Variants in HSD17B11 observed in about 807,000 individuals in gnomAD.
HSD17B11 encodes the protein estradiol 17-beta-dehydrogenase 11.
HSD17B11 carries 22 observed loss-of-function variants against 27.8 expected under a neutral mutation model. The observed-to-expected ratio is 0.79, with a 90% CI of 0.56 to 1.13. The LOEUF (loss-of-function observed/expected upper bound fraction) is 1.13, where lower values mean the gene tolerates loss of function less well. Ranked by LOEUF, HSD17B11 falls within the 50% of genes most tolerant of loss-of-function variation. HSD17B11 has a pLI of 0.00. For synonymous variants in HSD17B11, 117 were observed against 132.8 expected, an observed-to-expected ratio of 0.88 and a Z score of 0.82; for missense variants, 314 against 351.1, an observed-to-expected ratio of 0.89 and a Z score of 0.84.
Position 87,378,926 on chromosome 4 carries a change from A to T in HSD17B11, c.318+3329T>A, listed in dbSNP as rs1305758082. Among the ~76,000 whole-genome samples the T allele has an allele frequency of 1.0e-3, 13 of 12,582 alleles. 1 individual carries two copies. Among genetic ancestry groups the T allele is most frequent in the African/African-American group, 1.7e-3 (3 of 1,744 alleles). 8.3% of individuals were successfully genotyped at this position (12,582 alleles called of 152,430 possible). A position where few individuals can be genotyped will look rare whatever the true frequency, so the allele number is the denominator to read the frequency against. On this transcript the variant is annotated intron_variant, in intron 2 of 6. Transcript: ENST00000358290. ...TATAAATATATATATATAAATATAT[A>T]TAAATATATATATATATATATTTAT... is the stretch of plus-strand genomic sequence containing the variant.
At chr4:87,339,955 CAA>C (rs1263954402) in intron 6 of HSD17B11, among the ~76,000 whole-genome samples, 2 of 152,112 alleles carry the variant, frequency 1.3e-5, no homozygotes, top group African/African-American at 4.8e-5. Flanking sequence ...AATTCTGACT[CAA>C]GAGATCAGGA....
chr4:87,377,469 C>T (rs1294561135), intron 2 of HSD17B11, among the ~76,000 whole-genome samples: 3 of 151,616 alleles, frequency 2.0e-5, no homozygotes, highest in Non-Finnish European at 4.4e-5. Flanking sequence ...AAAGACTATA[C>T]TCAAAAGGGG....
intron 1 of HSD17B11, among the ~76,000 whole-genome samples, chr4:87,390,442 C>T (rs563655083): frequency 8.1e-4 from 123 of 152,346 alleles, no homozygotes; most frequent in Non-Finnish European, 1.4e-3. Context: ...AGGCGTGAGC[C>T]AACGGCGAGT....
intron 4 of HSD17B11, among the ~76,000 whole-genome samples, chr4:87,366,929 AT>A (rs35482923): frequency 0.12 from 17,865 of 152,098 alleles, 1,383 homozygotes; most frequent in Admixed American, 0.18. Context: ...AACTGAAGTA[AT>A]TTTTTTTAAC....
At chr4:87,388,960 C>A (rs955911202) in intron 1 of HSD17B11, among the ~76,000 whole-genome samples, 1 of 152,190 alleles carries the variant, frequency 6.6e-6, no homozygotes, top group African/African-American at 2.4e-5. Context: ...TTACCTTATA[C>A]CACACTGTGC....
chr4:87,338,392 T>C (rs1417714948), intron 6 of HSD17B11, among the ~76,000 whole-genome samples: 2 of 152,160 alleles, frequency 1.3e-5, no homozygotes. Flanking sequence ...TCTGCCTAGA[T>C]GGCATGAAAA....
At chr4:87,341,602 C>T (rs983817184) in intron 5 of HSD17B11, among the ~76,000 whole-genome samples, 4 of 152,102 alleles carry the variant, frequency 2.6e-5, no homozygotes, top group Non-Finnish European at 4.4e-5. Flanking sequence ...CCTGTATCCC[C>T]GTAATCCCAG....
chr4:87,354,925 G>T (rs1179502409), intron 5 of HSD17B11, among the ~76,000 whole-genome samples: 1 of 140,736 alleles, frequency 7.1e-6, no homozygotes, highest in Non-Finnish European at 1.5e-5. Context: ...GACCAGCCTG[G>T]GCAAACAGCA....
chr4:87,357,948 A>ATTTTTTTTTTTTTTTTTTTTT (rs748955521), intron 4 of HSD17B11, among the ~76,000 whole-genome samples: 9 of 97,312 alleles, frequency 9.2e-5, no homozygotes, highest in South Asian at 3.1e-4. Context: ...TCATTAGAGA[A>ATTTTTTTTTTTTTTTTTTTTT]ATTTTTTTTT....
At chr4:87,361,635 C>T (rs929878004) in intron 4 of HSD17B11, among the ~76,000 whole-genome samples, 11 of 152,014 alleles carry the variant, frequency 7.2e-5, no homozygotes, top group Non-Finnish European at 1.6e-4. Flanking sequence ...GGCATGGTGG[C>T]GGGCACCTGT....
At chr4:87,370,040 T>C (rs1735679104) in intron 4 of HSD17B11, among the ~76,000 whole-genome samples, 1 of 152,210 alleles carries the variant, frequency 6.6e-6, no homozygotes, top group African/African-American at 2.4e-5. Flanking sequence ...TGAAAAGAAA[T>C]TAAAATTTTT....
chr4:87,367,395 A>G (rs1735630709), intron 4 of HSD17B11, among the ~76,000 whole-genome samples: 1 of 152,212 alleles, frequency 6.6e-6, no homozygotes, highest in African/African-American at 2.4e-5. Context: ...TCAAAAGAAA[A>G]GTGTTTTACC....
Position 87,378,841 on chromosome 4 carries a change from TATAA to T in HSD17B11, c.318+3410_318+3413del, listed in dbSNP as rs1437084836. Among the ~76,000 whole-genome samples, 15 of 31,694 alleles carry T rather than the reference TATAA, an allele frequency of 4.7e-4. 1 individual carries two copies. Among genetic ancestry groups the T allele is most frequent in the Middle Eastern group, 9.8e-3 (1 of 102 alleles). 20.8% of individuals were successfully genotyped at this position (31,694 alleles called of 152,430 possible). A position where few individuals can be genotyped will look rare whatever the true frequency, so the allele number is the denominator to read the frequency against. ...TAAAATATATATATAAATATATATATATAAATATATATATAAATATATATAAATA... is the reference window on the plus strand; with the variant it reads ...TAAAATATATATATAAATATATATATATATATATATAAATATATATAAATA... On this transcript the variant is annotated intron_variant, in intron 2 of 6. Transcript: ENST00000358290.
intron 6 of HSD17B11, 46 bp downstream of exon 6, chr4:87,340,444 T>C: frequency 8.1e-7 from 1 of 1,227,360 alleles, no homozygotes; most frequent in Non-Finnish European, 1.2e-6. Flanking sequence ...CAATAGATAA[T>C]TGTTATTTTA....
intron 5 of HSD17B11, among the ~76,000 whole-genome samples, chr4:87,354,737 A>T (rs115772711): frequency 1.3e-5 from 2 of 151,926 alleles, no homozygotes; most frequent in African/African-American, 4.8e-5. Context: ...AATATTTTTC[A>T]TTAATTTTAA....
At chr4:87,341,538 G>C (rs1439058254) in intron 5 of HSD17B11, among the ~76,000 whole-genome samples, 1 of 152,144 alleles carries the variant, frequency 6.6e-6, no homozygotes, top group African/African-American at 2.4e-5. Flanking sequence ...ATGTACCACA[G>C]ACTAGCAGGT....
At position 87,347,134 on chromosome 4, in the gene HSD17B11, T is replaced by C. The variant is rs933739720; in HGVS notation, c.696-6528A>G. ...TTTTTTTCTTTTTTTTTTTTTTTTT[T>C]TTATTATACTCTAAGTTTTAGGGTA... On this transcript the variant is annotated intron_variant, in intron 5 of 6. Transcript: ENST00000358290. Among the ~76,000 whole-genome samples the C allele has an allele frequency of 2.8e-5, 3 of 105,590 alleles. No homozygotes were observed. In the East Asian group the frequency reaches 6.4e-4, roughly 23 times the overall value. 69.3% of individuals were successfully genotyped at this position (105,590 alleles called of 152,430 possible).
rs1720191968 is a variant in HSD17B11, at chr4:87,382,255, C to G, written c.318G>C (p.Lys106Asn). 1.9e-6 allele frequency: 3 copies of G among 1,608,730 alleles called. No individual in the cohort carries two copies. The highest frequency in any genetic ancestry group is 1.7e-6 in the Non-Finnish European group (2 of 1,175,274). Residue 106 changes from lysine (K) to asparagine (N), a missense_variant and splice_region_variant, in exon 2 of 7, where the codon AAG (lysine) becomes AAC (asparagine). Physicochemically the swap from Lys to Asn is moderately conservative, Grantham distance 94. Coordinates refer to ENST00000358290, the MANE Select transcript of HSD17B11 (RefSeq NM_016245.5). ...ATTCTAACTAAACACAACATTTCACCTTCTTTGCAGAGCTGTAAATATCTT... is the reference window on the plus strand; with the variant it reads ...ATTCTAACTAAACACAACATTTCACGTTCTTTGCAGAGCTGTAAATATCTT... ...NREDIYSSAK[K>N]VKAEIGDVSI...
intron 6 of HSD17B11, among the ~76,000 whole-genome samples, chr4:87,339,729 T>TG (rs376635510): frequency 6.6e-6 from 1 of 152,324 alleles, no homozygotes; most frequent in African/African-American, 2.4e-5. Flanking sequence ...GCTGGATAAT[T>TG]GAATCACCTA....
Sources: gnomAD v4.1 joint callset for allele counts (sites outside exome capture counted in the v4.1 genomes callset) on GRCh38, gnomAD v4.1.1 for gene constraint, MANE v1.5 for transcripts, NCBI Gene and HGNC (gene_info 2026-07-23, HGNC 2026-07-21) for gene names.